Variants in SERPINF2 observed in about 807,000 individuals in gnomAD.
The protein encoded by SERPINF2 is alpha-2-antiplasmin.
A neutral mutation model predicts 45.0 loss-of-function variants in SERPINF2; 15 were observed. That is an observed-to-expected ratio of 0.33 (90% CI 0.22 to 0.51). The LOEUF is 0.51. Ranked by LOEUF, SERPINF2 falls within the 20% of genes least tolerant of loss-of-function variation. The pLI is 0.97. For synonymous variants in SERPINF2, 283 were observed against 277.9 expected, an observed-to-expected ratio of 1.02 and a Z score of -0.18; for missense variants, 518 against 637.4, an observed-to-expected ratio of 0.81 and a Z score of 2.02.
chr17:1,743,055 G>T (rs1028129155), intron 1 of SERPINF2, 147 bp downstream of exon 1: 2 of 985,384 alleles, frequency 2.0e-6, no homozygotes, highest in Middle Eastern at 5.2e-4. Flanking sequence ...CCTGTTCTTG[G>T]CAAGAAGATT....
rs1056592393 is a variant in SERPINF2, at chr17:1,754,383, G to A, written c.1325G>A (p.Arg442Gln). 3.2e-5 allele frequency: 51 copies of A among 1,613,950 alleles called. No homozygotes were observed. Among genetic ancestry groups the A allele is most frequent in the South Asian group, 4.4e-5 (4 of 91,096 alleles). ...SVRNPNPSAP[R>Q]ELKEQQDSPG... ...AGGAACCCCAACCCCAGTGCACCGC[G>A]GGAGCTCAAGGAACAGCAGGATTCC... is the stretch of plus-strand genomic sequence containing the variant. Residue 442 changes from arginine to glutamine, a missense_variant, in exon 10 of 10, where the codon CGG becomes CAG. Arg to Gln is a conservative substitution (Grantham distance 43). Coordinates refer to ENST00000453066, the MANE Select transcript of SERPINF2 (RefSeq NM_000934.4).
Position 1,754,469 on chromosome 17 carries a change from G to C in SERPINF2, c.1411G>C (p.Gly471Arg). ...CTTCCCCCGCGGAGACAAGCTTTTC[G>C]GCCCTGACTTAAAACTTGTGCCCCC... ...KGFPRGDKLF[G>R]PDLKLVPPME... Residue 471 changes from glycine to arginine, a missense_variant, in exon 10 of 10, where the codon GGC becomes CGC. Around this residue, in one of 2 missense-constraint regions of SERPINF2, gnomAD observed 83 missense variants for 60.0 expected, o/e 1.38. Transcript: ENST00000453066. The C allele has an allele frequency of 6.2e-7, 1 of 1,607,654 alleles. No individual in the cohort carries two copies. The highest frequency in any genetic ancestry group is 1.3e-5 in the African/African-American group (1 of 74,818).
intron 9 of SERPINF2, among the ~76,000 whole-genome samples, chr17:1,753,776 AG>A (rs1331202915): frequency 3.9e-5 from 6 of 152,228 alleles, no homozygotes; most frequent in Non-Finnish European, 8.8e-5. Context: ...GCACTGTACC[AG>A]GTACCGGGAG....
intron 1 of SERPINF2, 37 bp downstream of exon 1, chr17:1,742,945 T>G: frequency 1.0e-6 from 1 of 985,348 alleles, no homozygotes; most frequent in Non-Finnish European, 1.2e-6. Flanking sequence ...GCTCCTTGGG[T>G]AGGAGAGGAG....
At position 1,747,384 on chromosome 17, in the gene SERPINF2, A is replaced by G. The variant is rs915821280; in HGVS notation, c.587A>G (p.Lys196Arg). ...GCAAAGCCCGTGAGCCTGACGGGAA[A>G]GCAGGAAGATGACCTGGCAAACATC... ...FGAKPVSLTGKQEDDLANINQ... is the reference protein window; with the variant it reads ...FGAKPVSLTGRQEDDLANINQ... Residue 196 changes from lysine to arginine, a missense_variant, in exon 7 of 10, where the codon AAG becomes AGG. Physicochemically the swap from Lys to Arg is conservative, Grantham distance 26. Coordinates refer to ENST00000453066, the MANE Select transcript of SERPINF2 (RefSeq NM_000934.4). The G allele has an allele frequency of 6.2e-7, 1 of 1,614,200 alleles. No individual in the cohort carries two copies. The highest frequency in any genetic ancestry group is 8.5e-7 in the Non-Finnish European group (1 of 1,180,048).
At chr17:1,746,992 G>A in intron 5 of SERPINF2, 27 bp from the exon 6 acceptor site, 1 of 1,600,420 alleles carries the variant, frequency 6.2e-7, no homozygotes, top group African/African-American at 1.3e-5. Context: ...CCCGCAGCCG[G>A]GCCTCAGCCT....
chr17:1,754,405 T>A lies in SERPINF2; in HGVS notation c.1347T>A (p.Asp449Glu). The change falls in exon 10 of 10, where the codon GAT becomes GAA. Residue 449 changes from aspartate (D) to glutamate (E), a missense_variant. This residue lies in a region of SERPINF2 where 83 missense variants were observed against 60.0 expected (regional missense o/e 1.38). Coordinates refer to ENST00000453066, the MANE Select transcript of SERPINF2 (RefSeq NM_000934.4). ...SAPRELKEQQDSPGNKDFLQS... is the reference protein window; with the variant it reads ...SAPRELKEQQESPGNKDFLQS... ...CGCGGGAGCTCAAGGAACAGCAGGA[T>A]TCCCCGGGCAACAAGGACTTCCTCC... 6.2e-7 allele frequency: 1 copy of A among 1,613,500 alleles called. No homozygotes were observed. Among genetic ancestry groups the A allele is most frequent in the Non-Finnish European group, 8.5e-7 (1 of 1,179,538 alleles).
At chr17:1,752,196 C>T (rs72822428) in intron 8 of SERPINF2, among the ~76,000 whole-genome samples, 2,197 of 151,988 alleles carry the variant, frequency 0.014, 28 homozygotes, top group Non-Finnish European at 0.022. Flanking sequence ...CGATTACAAG[C>T]GCCCGTCACC....
chr17:1,752,639 C>A lies in SERPINF2; in HGVS notation c.912C>A (p.Thr304=). ...NNMSFVVLVP[T]HFEWNVSQVL... is the part of the protein sequence containing the mutation. Reference sequence around the variant, plus strand: ...TGAGCTTTGTGGTCCTTGTACCCACCCACTTTGAATGGAACGTGTCCCAGG... The same window carrying A: ...TGAGCTTTGTGGTCCTTGTACCCACACACTTTGAATGGAACGTGTCCCAGG... The change falls in exon 9 of 10, where the codon ACC becomes ACA. Residue 304 remains threonine (T), a synonymous_variant. Coordinates refer to ENST00000453066, the MANE Select transcript of SERPINF2 (RefSeq NM_000934.4). The A allele has an allele frequency of 6.2e-7, 1 of 1,614,210 alleles. No individual in the cohort carries two copies. The highest frequency in any genetic ancestry group is 8.5e-7 in the Non-Finnish European group (1 of 1,180,026).
chr17:1,745,378 C>T lies in SERPINF2; in HGVS notation c.148C>T (p.Leu50Phe), dbSNP rs368253719. 6.2e-7 allele frequency: 1 copy of T among 1,611,768 alleles called. No homozygotes were observed. The highest frequency in any genetic ancestry group is 8.5e-7 in the Non-Finnish European group (1 of 1,179,744). ...GGAGCAGGTGTCCCCACTTACCCTC[C>T]TCAAGTTGGGCAACCAGGTACAACC... Reference protein sequence around the residue: ...NQEQVSPLTLLKLGNQEPGGQ... With the variant: ...NQEQVSPLTLFKLGNQEPGGQ... Residue 50 changes from leucine to phenylalanine, a missense_variant, in exon 4 of 10, where the codon CTC becomes TTC. By Grantham distance (22) the Leu-to-Phe change is conservative. This residue lies in a region of SERPINF2 where 435 missense variants were observed against 577.3 expected (regional missense o/e 0.75). Coordinates refer to ENST00000453066, the MANE Select transcript of SERPINF2 (RefSeq NM_000934.4). This position sits in a 1 kb window ranked among gnomAD's most constrained non-coding sequence, Gnocchi z 6.2.
In SERPINF2 at chr17:1,754,298, C is replaced by T; in HGVS notation, c.1240C>T (p.Pro414Ser). The T allele has an allele frequency of 6.2e-7, 1 of 1,614,198 alleles. No homozygotes were observed. The highest frequency in any genetic ancestry group is 8.5e-7 in the Non-Finnish European group (1 of 1,180,052). ...MSLSSFSVNRPFLFFIFEDTT... is the reference protein window; with the variant it reads ...MSLSSFSVNRSFLFFIFEDTT... ...CCTGTCCTCCTTCAGCGTGAACCGCCCCTTCCTCTTCTTCATCTTCGAGGA... is the reference window on the plus strand; with the variant it reads ...CCTGTCCTCCTTCAGCGTGAACCGCTCCTTCCTCTTCTTCATCTTCGAGGA... The change falls in exon 10 of 10, where the codon CCC becomes TCC. Residue 414 changes from proline (P) to serine (S), a missense_variant. By Grantham distance (74) the Pro-to-Ser change is moderately conservative. Transcript: ENST00000453066.
rs1905740433 is a variant in SERPINF2, at chr17:1,745,569, C to T, written c.166-139C>T. 8.6e-7 allele frequency: 1 copy of T among 1,162,650 alleles called. No homozygotes were observed. The highest frequency in any genetic ancestry group is 2.0e-5 in the Admixed American group (1 of 51,052). The allele number at this position is 1,162,650 out of a possible 1,614,324, so 72.0% of individuals were successfully genotyped here. A position where few individuals can be genotyped will look rare whatever the true frequency, so the allele number is the denominator to read the frequency against. On this transcript the variant is annotated intron_variant, in intron 4 of 9. Coordinates refer to ENST00000453066, the MANE Select transcript of SERPINF2 (RefSeq NM_000934.4). This position sits in a 1 kb window ranked among gnomAD's most constrained non-coding sequence, Gnocchi z 6.2. ...GGCGCCAGGCCCCAGAATGCCAGTG[C>T]CCTCCGTCTGACGCTCCCTCTTCCC...
rs1906721211 is a variant in SERPINF2, at chr17:1,754,831, AGCT to A, written c.*301_*303del. On this transcript the variant is annotated 3_prime_UTR_variant, in exon 10 of 10. Transcript: ENST00000453066. ...TTCTAGTTCTGCCAGGAGACAGGTT[AGCT>A]GCTCCCCACGTCAGCTGGGACACCC... is the stretch of plus-strand genomic sequence containing the variant. 4.1e-6 allele frequency: 2 copies of A among 484,594 alleles called. No individual in the cohort carries two copies. Among genetic ancestry groups the A allele is most frequent in the East Asian group, 6.6e-5 (2 of 30,146 alleles). 30.0% of individuals were successfully genotyped at this position (484,594 alleles called of 1,614,324 possible). A position where few individuals can be genotyped will look rare whatever the true frequency, so the allele number is the denominator to read the frequency against.
In SERPINF2 at chr17:1,745,186, G is replaced by A. The variant is rs144621260; in HGVS notation, c.75G>A (p.Val25=). 44 of 1,568,426 alleles carry A rather than the reference G, an allele frequency of 2.8e-5. No homozygotes were observed. In the African/African-American group the frequency reaches 4.7e-4, roughly 17 times the overall value. The stretch of plus-strand genomic sequence containing the variant: ...CCCTTTCTCCACAGTTCTCCCCTGT[G>A]AGCGCCATGGAGCCCTTGGGCCGGC... ...LQGPCSVFSP[V]SAMEPLGRQL... is the part of the protein sequence containing the mutation. Residue 25 remains valine (V), a synonymous_variant, in exon 3 of 10, where the codon GTG becomes GTA. Transcript: ENST00000453066. This position sits in a 1 kb window ranked among gnomAD's most constrained non-coding sequence, Gnocchi z 6.2.
intron 5 of SERPINF2, among the ~76,000 whole-genome samples, chr17:1,746,195 G>A (rs1905812715): frequency 6.6e-6 from 1 of 151,996 alleles, no homozygotes; most frequent in Non-Finnish European, 1.5e-5. Flanking sequence ...GTGCGCACCT[G>A]TAATTCCAGC....
At chr17:1,744,964 G>C (rs759893506) in intron 1 of SERPINF2, 28 bp from the exon 2 acceptor site, 2 of 1,613,390 alleles carry the variant, frequency 1.2e-6, no homozygotes, top group East Asian at 4.5e-5. Flanking sequence ...ATGTGAGATG[G>C]GAACAGAGCT....
chr17:1,745,519 G>T lies in SERPINF2; in HGVS notation c.165+124G>T. On this transcript the variant is annotated intron_variant, in intron 4 of 9. Coordinates refer to ENST00000453066, the MANE Select transcript of SERPINF2 (RefSeq NM_000934.4). The surrounding 1 kb of genome is among the most constrained non-coding windows in gnomAD (Gnocchi z 6.2). ...TCTGGAGTCCAGAGGCCAGAAGGGA[G>T]AGAGGGTGGGGAGGACCGAAGGTGG... 7.7e-7 allele frequency: 1 copy of T among 1,293,974 alleles called. No homozygotes were observed. The highest frequency in any genetic ancestry group is 1.1e-6 in the Non-Finnish European group (1 of 918,398). The allele number at this position is 1,293,974 out of a possible 1,614,324, so 80.2% of individuals were successfully genotyped here. A position where few individuals can be genotyped will look rare whatever the true frequency, so the allele number is the denominator to read the frequency against.
Position 1,752,631 on chromosome 17 carries a change from G to A in SERPINF2, c.904G>A (p.Val302Ile). 1 of 1,614,196 alleles carries A rather than the reference G, an allele frequency of 6.2e-7. No homozygotes were observed. ...FKNNMSFVVL[V>I]PTHFEWNVSQ... ...GAACAACATGAGCTTTGTGGTCCTT[G>A]TACCCACCCACTTTGAATGGAACGT... Residue 302 changes from valine to isoleucine, a missense_variant, in exon 9 of 10, where the codon GTA becomes ATA. Physicochemically the swap from Val to Ile is conservative, Grantham distance 29. Around this residue, in one of 2 missense-constraint regions of SERPINF2, gnomAD observed 435 missense variants for 577.3 expected, o/e 0.75. Coordinates refer to ENST00000453066, the MANE Select transcript of SERPINF2 (RefSeq NM_000934.4).
intron 5 of SERPINF2, 36 bp from the exon 6 acceptor site, chr17:1,746,983 C>A (rs1276755418): frequency 6.3e-7 from 1 of 1,596,368 alleles, no homozygotes; most frequent in Admixed American, 1.7e-5. Flanking sequence ...GAGAAAGGAC[C>A]CGCAGCCGGG....
Sources: allele counts gnomAD v4.1 joint callset (sites outside exome capture counted in the v4.1 genomes callset), GRCh38; gene constraint gnomAD v4.1.1; regional missense constraint gnomAD v4.1.1; non-coding constraint Gnocchi (gnomAD v3.1); transcripts MANE v1.5; gene names NCBI Gene and HGNC (gene_info 2026-07-23, HGNC 2026-07-21).